DHX9: variants seen among roughly 807,000 people sequenced by gnomAD.
The protein encoded by DHX9 is ATP-dependent RNA helicase A.
In DHX9, 27 loss-of-function variants were observed where a neutral mutation model predicts 148.7. The ratio of observed to expected loss-of-function variants is 0.18; its 90% CI spans 0.13 to 0.25. The LOEUF (loss-of-function observed/expected upper bound fraction) is 0.25. DHX9 is among the 10% of genes least tolerant of loss of function. The pLI is 1.00. For missense variants in DHX9, 796 were observed against 1,559.6 expected (o/e 0.51, Z 8.25); for synonymous variants, 529 against 516.6 (o/e 1.02, Z -0.33).
At position 182,854,013 on chromosome 1, in the gene DHX9, TATC is replaced by T. The variant is rs755424229; in HGVS notation, c.478-14_478-12del. 1.2e-6 allele frequency: 2 copies of T among 1,603,814 alleles called. No homozygotes were observed. The highest frequency in any genetic ancestry group is 2.2e-5 in the South Asian group (2 of 89,914). On this transcript the variant is annotated splice_polypyrimidine_tract_variant and intron_variant, in intron 5 of 27. Transcript: ENST00000367549. Reference sequence around the variant, plus strand: ...TAAACTTAACACAGCCAAATTTAATTATCATTGATTCTACAGACTCTAGAATCA... The same window carrying T: ...TAAACTTAACACAGCCAAATTTAATTATTGATTCTACAGACTCTAGAATCA...
At chr1:182,883,863 T>G (rs1315344884) in intron 26 of DHX9, among the ~76,000 whole-genome samples, 1 of 152,282 alleles carries the variant, frequency 6.6e-6, no homozygotes, top group Non-Finnish European at 1.5e-5. Flanking sequence ...GAAGCTTGAG[T>G]ACCCTTTCAC....
At chr1:182,867,557 C>T (rs1236609782) in intron 14 of DHX9, among the ~76,000 whole-genome samples, 5 of 152,270 alleles carry the variant, frequency 3.3e-5, no homozygotes, top group African/African-American at 1.2e-4. Flanking sequence ...TGCCCACCAC[C>T]ATGCCCGACT....
chr1:182,848,225 AC>A (rs1333307628), intron 3 of DHX9, among the ~76,000 whole-genome samples: 30 of 152,214 alleles, frequency 2.0e-4, no homozygotes, highest in African/African-American at 7.2e-4. Context: ...CGTAACACTT[AC>A]TTTTTAACTC....
intron 14 of DHX9, among the ~76,000 whole-genome samples, chr1:182,868,520 C>CTTTTTTTTTTTTTTTTTTTT (rs59218081): frequency 3.1e-4 from 39 of 127,508 alleles, no homozygotes; most frequent in South Asian, 1.0e-3. Context: ...ATTTTAATTC[C>CTTTTTTTTTTTTTTTTTTTT]TTTTTTTTTT....
intron 21 of DHX9, 129 bp downstream of exon 21, chr1:182,879,539 A>G: frequency 1.2e-6 from 1 of 811,776 alleles, no homozygotes; most frequent in Non-Finnish European, 1.7e-6. Context: ...AATAATAGTA[A>G]GGCCTCCAGT....
At chr1:182,878,825 A>T (rs1648945445) in intron 20 of DHX9, among the ~76,000 whole-genome samples, 1 of 152,258 alleles carries the variant, frequency 6.6e-6, no homozygotes, top group South Asian at 2.1e-4. Context: ...TACATCTATA[A>T]GAGCCTTTCT....
At chr1:182,871,112 T>G (rs1289621740) in intron 14 of DHX9, among the ~76,000 whole-genome samples, 1 of 152,190 alleles carries the variant, frequency 6.6e-6, no homozygotes, top group East Asian at 1.9e-4. Flanking sequence ...AAAAGGTTAT[T>G]TCCTTACTTT....
chr1:182,887,715 G>A lies in DHX9; in HGVS notation c.*281G>A, dbSNP rs780872355. On this transcript the variant is annotated 3_prime_UTR_variant, in exon 28 of 28. Transcript: ENST00000367549. ...ATAACTTGGTATTTTCCTGGCTTTC[G>A]TTTAATACAATAGAAAATAAAGTAT... 1.2e-5 allele frequency: 4 copies of A among 345,822 alleles called. No homozygotes were observed. The highest frequency in any genetic ancestry group is 5.3e-5 in the East Asian group (1 of 18,692). 21.4% of individuals were successfully genotyped at this position (345,822 alleles called of 1,614,324 possible). A position where few individuals can be genotyped will look rare whatever the true frequency, so the allele number is the denominator to read the frequency against.
chr1:182,858,952 T>G, intron 10 of DHX9, 58 bp downstream of exon 10: 1 of 1,610,404 alleles, frequency 6.2e-7, no homozygotes, highest in Non-Finnish European at 8.5e-7. Context: ...GAGACTATAT[T>G]TGATTAGTAT....
At chr1:182,845,311 CAA>C (rs1433699344) in intron 3 of DHX9, among the ~76,000 whole-genome samples, 2 of 151,790 alleles carry the variant, frequency 1.3e-5, no homozygotes, top group Non-Finnish European at 2.9e-5. Context: ...CTGCTAGTGA[CAA>C]ATTCTCTTAT....
chr1:182,852,622 T>G (rs1024177086), intron 4 of DHX9, among the ~76,000 whole-genome samples: 3 of 152,238 alleles, frequency 2.0e-5, no homozygotes, highest in Non-Finnish European at 4.4e-5. Flanking sequence ...AAGAATCTTA[T>G]GAATTGCCTT....
intron 12 of DHX9, among the ~76,000 whole-genome samples, chr1:182,863,964 G>A (rs1169084977): frequency 6.6e-6 from 1 of 152,142 alleles, no homozygotes; most frequent in Non-Finnish European, 1.5e-5. Context: ...TTTGAGTGCA[G>A]GAGTTAAAGA....
At chr1:182,848,940 G>C (rs528934676) in intron 3 of DHX9, among the ~76,000 whole-genome samples, 1 of 152,310 alleles carries the variant, frequency 6.6e-6, no homozygotes, top group South Asian at 2.1e-4. Flanking sequence ...TAGGATAGCA[G>C]TACCAAGGAA....
At chr1:182,869,320 T>G (rs999716606) in intron 14 of DHX9, among the ~76,000 whole-genome samples, 1 of 152,102 alleles carries the variant, frequency 6.6e-6, no homozygotes, top group African/African-American at 2.4e-5. Context: ...TCCTGACCAG[T>G]CTTATCTGGT....
chr1:182,845,636 C>G (rs899075100), intron 3 of DHX9, among the ~76,000 whole-genome samples: 1 of 152,166 alleles, frequency 6.6e-6, no homozygotes, highest in Non-Finnish European at 1.5e-5. Flanking sequence ...GGTGAGGACT[C>G]AGTCCCACAA....
In DHX9 at chr1:182,864,377, C is replaced by T. The variant is rs148079766; in HGVS notation, c.1333-2067C>T. Among the ~76,000 whole-genome samples the T allele has an allele frequency of 1.2e-3, 185 of 152,272 alleles. 3 individuals are homozygous for T. The highest frequency in any genetic ancestry group is 3.9e-3 in the African/African-American group (164 of 41,542). ...GGAATTCACTGGCTAGCTACCATAC[C>T]GGGCTTAAAGATTTTTTCTGATATT... On this transcript the variant is annotated intron_variant, in intron 12 of 27. Transcript: ENST00000367549.
intron 24 of DHX9, among the ~76,000 whole-genome samples, chr1:182,882,756 T>G (rs1649144275): frequency 6.6e-6 from 1 of 151,716 alleles, no homozygotes; most frequent in Non-Finnish European, 1.5e-5. Flanking sequence ...TCCCAGCTAC[T>G]TGGGAGGCTG....
chr1:182,843,448 GC>G lies in DHX9; in HGVS notation c.252+15del, dbSNP rs745374081. 7.6e-6 allele frequency: 12 copies of G among 1,575,182 alleles called. No individual in the cohort carries two copies. The African/African-American group carries it at 1.2e-4, about 16-fold the overall frequency. On this transcript the variant is annotated intron_variant, in intron 3 of 27. Coordinates refer to ENST00000367549, the MANE Select transcript of DHX9 (RefSeq NM_001357.5). The stretch of plus-strand genomic sequence containing the variant: ...CCAGCTTTTGGGGTAAGTACCTATG[GC>G]GAAGCACTTGAGATGTATGTTGTAA...
At chr1:182,843,467 T>C (rs1345376906) in intron 3 of DHX9, 33 bp downstream of exon 3, 2 of 1,517,050 alleles carry the variant, frequency 1.3e-6, no homozygotes, top group African/African-American at 2.9e-5. Context: ...TTGAGATGTA[T>C]GTTGTAAAGT....
Sources: gnomAD v4.1 joint callset for allele counts (sites outside exome capture counted in the v4.1 genomes callset) on GRCh38, gnomAD v4.1.1 for gene constraint, MANE v1.5 for transcripts, NCBI Gene and HGNC (gene_info 2026-07-23, HGNC 2026-07-21) for gene names.